DNAH9: variants seen among roughly 807,000 people sequenced by gnomAD.
DNAH9 encodes DNAH9 variant protein.
DNAH9 carries 345 observed loss-of-function variants against 471.6 expected under a neutral mutation model. The observed-to-expected ratio is 0.73, with a 90% CI of 0.67 to 0.80. The LOEUF is 0.80. Ranked by LOEUF, DNAH9 falls within the 30% of genes least tolerant of loss-of-function variation. DNAH9 has a pLI of 0.00. For synonymous variants in DNAH9, 2,093 were observed against 2,123.6 expected (o/e 0.99, Z 0.40); for missense variants, 5,407 against 5,609.2 (o/e 0.96, Z 1.15).
chr17:11,860,929 G>T (rs1265577895), intron 50 of DNAH9, among the ~76,000 whole-genome samples: 1 of 151,872 alleles, frequency 6.6e-6, no homozygotes, highest in Non-Finnish European at 1.5e-5. Context: ...TTGTTCCTTT[G>T]TGTATGCACA....
At chr17:11,885,169 G>A (rs1194354974) in intron 56 of DNAH9, among the ~76,000 whole-genome samples, 1 of 152,174 alleles carries the variant, frequency 6.6e-6, no homozygotes, top group African/African-American at 2.4e-5. Context: ...GGCCCTCTAA[G>A]GAAGAAAGAC....
intron 53 of DNAH9, among the ~76,000 whole-genome samples, chr17:11,878,545 T>G (rs185683120): frequency 7.9e-4 from 120 of 151,940 alleles, no homozygotes; most frequent in African/African-American, 2.4e-3. Flanking sequence ...TTTTTAGTTT[T>G]TTTGTTTGTT....
chr17:11,764,600 T>A (rs1967852939), intron 36 of DNAH9, among the ~76,000 whole-genome samples: 1 of 152,206 alleles, frequency 6.6e-6, no homozygotes, highest in African/African-American at 2.4e-5. Flanking sequence ...AGCTGTATCA[T>A]GTAAGTGATA....
Position 11,598,646 on chromosome 17 carries a change from G to C in DNAH9, c.148G>C (p.Ala50Pro). The C allele has an allele frequency of 7.4e-7, 1 of 1,356,040 alleles. No individual in the cohort carries two copies. Among genetic ancestry groups the C allele is most frequent in the Non-Finnish European group, 9.4e-7 (1 of 1,060,024 alleles). 84.0% of individuals were successfully genotyped at this position (1,356,040 alleles called of 1,614,324 possible). A position where few individuals can be genotyped will look rare whatever the true frequency, so the allele number is the denominator to read the frequency against. Reference protein sequence around the residue: ...AGAWERCAGSAEAEQLLQAFL... With the variant: ...AGAWERCAGSPEAEQLLQAFL... ...CGCCTGGGAGCGTTGCGCGGGGAGT[G>C]CTGAGGCGGAGCAGCTGCTCCAGGC... is the stretch of plus-strand genomic sequence containing the variant. The change falls in exon 1 of 69, where the codon GCT becomes CCT. Residue 50 changes from alanine (A) to proline (P), a missense_variant. Physicochemically the swap from Ala to Pro is conservative, Grantham distance 27. This residue lies in a region of DNAH9 where 767 missense variants were observed against 692.5 expected (regional missense o/e 1.11). Transcript: ENST00000262442.
chr17:11,708,004 C>CAGAG (rs2074747340), intron 26 of DNAH9, among the ~76,000 whole-genome samples: 3 of 49,074 alleles, frequency 6.1e-5, no homozygotes, highest in Admixed American at 2.9e-4. Context: ...CACACACACA[C>CAGAG]ACACACACAC....
At chr17:11,941,590 G>A (rs574733698) in intron 66 of DNAH9, among the ~76,000 whole-genome samples, 168 of 152,168 alleles carry the variant, frequency 1.1e-3, no homozygotes, top group Non-Finnish European at 2.0e-3. Flanking sequence ...AGAATCGTGG[G>A]GTACAACAGG....
In DNAH9 at chr17:11,675,410, C is replaced by T. The variant is rs115003423; in HGVS notation, c.3354-4347C>T. 3.2e-3 allele frequency among the ~76,000 whole-genome samples: 493 copies of T among 152,110 alleles called. 1 individual carries two copies. The highest frequency in any genetic ancestry group is 0.01 in the African/African-American group (418 of 41,504). On this transcript the variant is annotated intron_variant, in intron 17 of 68. Transcript: ENST00000262442. ...GATAGTTTTATTTCTTCTTCCTTCT[C>T]GGTCTTTATGCTTTATATCTCTGTC... is the stretch of plus-strand genomic sequence containing the variant.
intron 37 of DNAH9, among the ~76,000 whole-genome samples, 188 bp downstream of exon 37, chr17:11,768,814 C>T (rs1968077720): frequency 6.6e-6 from 1 of 152,104 alleles, no homozygotes; most frequent in South Asian, 2.1e-4. Context: ...AAGGCCAGGA[C>T]ATTTCCTCAA....
chr17:11,928,769 C>G (rs1263702768), intron 62 of DNAH9, among the ~76,000 whole-genome samples: 2 of 152,182 alleles, frequency 1.3e-5, no homozygotes, highest in Non-Finnish European at 2.9e-5. Flanking sequence ...AGAGAAGACT[C>G]AGGAAAGCTA....
chr17:11,945,438 G>A (rs543957759), intron 67 of DNAH9, among the ~76,000 whole-genome samples: 1 of 151,540 alleles, frequency 6.6e-6, no homozygotes, highest in South Asian at 2.1e-4. Flanking sequence ...TACGGAGGCT[G>A]AAGCAGGAGA....
intron 48 of DNAH9, among the ~76,000 whole-genome samples, chr17:11,830,068 C>A (rs1344192090): frequency 6.6e-6 from 1 of 152,200 alleles, no homozygotes; most frequent in African/African-American, 2.4e-5. Context: ...AGGCAGCTGA[C>A]AAAACATCCT....
chr17:11,729,600 A>AG (rs1183788540), intron 28 of DNAH9, among the ~76,000 whole-genome samples: 2 of 152,180 alleles, frequency 1.3e-5, no homozygotes, highest in African/African-American at 4.8e-5. Context: ...CAAAGGAATA[A>AG]GGAAAGCGTT....
At chr17:11,599,723 G>A (rs1284313422) in intron 1 of DNAH9, among the ~76,000 whole-genome samples, 3 of 152,140 alleles carry the variant, frequency 2.0e-5, no homozygotes, top group African/African-American at 7.2e-5. Context: ...AAACTGCCCT[G>A]CAAGTCAGGC....
intron 49 of DNAH9, chr17:11,853,131 G>C (rs1223914034): frequency 6.6e-6 from 1 of 151,736 alleles, no homozygotes; most frequent in Non-Finnish European, 1.5e-5. Context: ...GTGTGGTATA[G>C]AACTGGAAAC....
intron 33 of DNAH9, among the ~76,000 whole-genome samples, chr17:11,753,262 C>T (rs949980503): frequency 6.6e-6 from 1 of 152,210 alleles, no homozygotes; most frequent in Non-Finnish European, 1.5e-5. Flanking sequence ...CATTCATTCA[C>T]ATCTTTTTAC....
At chr17:11,777,468 A>G (rs7225157) in intron 38 of DNAH9, among the ~76,000 whole-genome samples, 37,130 of 152,112 alleles carry the variant, frequency 0.24, 5,344 homozygotes, top group African/African-American at 0.41. Context: ...CACAAGACAG[A>G]ATGGTTTAGA....
At chr17:11,733,598 T>C (rs1056973463) in intron 28 of DNAH9, among the ~76,000 whole-genome samples, 2 of 152,124 alleles carry the variant, frequency 1.3e-5, no homozygotes, top group African/African-American at 2.4e-5. Context: ...ACGCCTGTAA[T>C]CCCAGCACTT....
In DNAH9 at chr17:11,623,818, G is replaced by C. The variant is rs147887019; in HGVS notation, c.1350+4037G>C. 2.4e-3 allele frequency among the ~76,000 whole-genome samples: 371 copies of C among 152,224 alleles called. 1 individual carries two copies. Among genetic ancestry groups the C allele is most frequent in the African/African-American group, 8.5e-3 (353 of 41,548 alleles). ...TTATCTCTCTGCATGCTCTCGTCAC[G>C]GGTTAGAGTGTGAAGGGCTGGTTTT... On this transcript the variant is annotated intron_variant, in intron 6 of 68. Coordinates refer to ENST00000262442, the MANE Select transcript of DNAH9 (RefSeq NM_001372.4). The surrounding 1 kb of genome is among the most constrained non-coding windows in gnomAD (Gnocchi z 4.1).
At chr17:11,870,179 C>A (rs1972211938) in intron 51 of DNAH9, among the ~76,000 whole-genome samples, 1 of 152,218 alleles carries the variant, frequency 6.6e-6, no homozygotes, top group South Asian at 2.1e-4. Flanking sequence ...CACAACAGCA[C>A]TTCCGCTGTA....
Sources: gnomAD v4.1 joint callset for allele counts (sites outside exome capture counted in the v4.1 genomes callset) on GRCh38, gnomAD v4.1.1 for gene constraint, gnomAD v4.1.1 regional missense constraint, Gnocchi (gnomAD v3.1) non-coding constraint, MANE v1.5 for transcripts, NCBI Gene and HGNC (gene_info 2026-07-23, HGNC 2026-07-21) for gene names.